FAM234A: variants seen among roughly 807,000 people sequenced by gnomAD.
The protein encoded by FAM234A is protein FAM234A.
In FAM234A, 42 loss-of-function variants were observed where a neutral mutation model predicts 49.1. The ratio of observed to expected loss-of-function variants is 0.86; its 90% confidence interval spans 0.67 to 1.11. The LOEUF (loss-of-function observed/expected upper bound fraction) is 1.11. FAM234A is among the 50% of genes least tolerant of loss of function. FAM234A has a pLI of 0.00. For synonymous variants in FAM234A, 369 were observed against 316.2 expected (o/e 1.17, Z -1.77); for missense variants, 815 against 745.2 (o/e 1.09, Z -1.09).
intron 1 of FAM234A, among the ~76,000 whole-genome samples, 178 bp from the exon 2 acceptor site, chr16:249,371 C>T (rs1238003306): frequency 6.6e-6 from 1 of 152,006 alleles, no homozygotes; most frequent in African/African-American, 2.4e-5. Context: ...TGGGACCCCA[C>T]ACCCAAAGTG....
Position 263,520 on chromosome 16 carries a change from G to T in FAM234A, c.1112+118G>T, listed in dbSNP as rs570354939. ...GTGGGGCCGGAGGCCGTGTGCTGCT[G>T]CCCGGGCTTCTTGCCTGTCTCTGGT... On this transcript the variant is annotated intron_variant, in intron 9 of 12. Coordinates refer to ENST00000399932, the MANE Select transcript of FAM234A (RefSeq NM_032039.4). The T allele has an allele frequency of 1.1e-4, 161 of 1,434,756 alleles. No homozygotes were observed. In the South Asian group the frequency reaches 1.9e-3, roughly 17 times the overall value. 88.9% of individuals were successfully genotyped at this position (1,434,756 alleles called of 1,614,324 possible).
At position 254,172 on chromosome 16, in the gene FAM234A, G is replaced by C. The variant is rs893304445; in HGVS notation, c.-33-209G>C. The C allele has an allele frequency of 7.5e-6, 4 of 534,946 alleles. No homozygotes were observed. The Admixed American group carries it at 1.0e-4, about 14-fold the overall frequency. 33.1% of individuals were successfully genotyped at this position (534,946 alleles called of 1,614,324 possible). On this transcript the variant is annotated intron_variant, in intron 2 of 12. Coordinates refer to ENST00000399932, the MANE Select transcript of FAM234A (RefSeq NM_032039.4). ...CCTGCTGGCTCTCCACAGCTAACTC[G>C]CCTTTCCACACTAATTAGAGACCTT... is the stretch of plus-strand genomic sequence containing the variant.
chr16:269,751 C>T (rs935273061), downstream of FAM234A: 11 of 588,126 alleles, frequency 1.9e-5, no homozygotes, highest in African/African-American at 1.5e-4. Context: ...CCAAGGCAGA[C>T]GCAGGGAGAC....
intron 3 of FAM234A, among the ~76,000 whole-genome samples, chr16:258,543 C>T (rs975978620): frequency 1.3e-5 from 2 of 152,188 alleles, no homozygotes; most frequent in African/African-American, 4.8e-5. Flanking sequence ...AAAAGTCTCC[C>T]ATGTCTACTT....
Position 265,188 on chromosome 16 carries a change from G to A in FAM234A, c.*166G>A, listed in dbSNP as rs1188744702. The A allele has an allele frequency of 7.0e-7, 1 of 1,419,934 alleles. No individual in the cohort carries two copies. Among genetic ancestry groups the A allele is most frequent in the South Asian group, 1.6e-5 (1 of 63,432 alleles). The allele number at this position is 1,419,934 out of a possible 1,614,324, so 88.0% of individuals were successfully genotyped here. The stretch of plus-strand genomic sequence containing the variant: ...ACCAGTCCTCCATGATCACACCCAG[G>A]GACCTGCATGGGTGAGGGGACACCC... On this transcript the variant is annotated 3_prime_UTR_variant, in exon 13 of 13. Coordinates refer to ENST00000399932, the MANE Select transcript of FAM234A (RefSeq NM_032039.4).
At chr16:257,643 C>T (rs553711294) in intron 3 of FAM234A, among the ~76,000 whole-genome samples, 74 of 151,612 alleles carry the variant, frequency 4.9e-4, no homozygotes, top group Non-Finnish European at 8.5e-4. Flanking sequence ...TTAGCTCTTA[C>T]GTTTAGGTCT....
intron 5 of FAM234A, 79 bp downstream of exon 5, chr16:260,239 G>A: frequency 7.5e-7 from 1 of 1,336,652 alleles, no homozygotes; most frequent in African/African-American, 1.4e-5. Context: ...ATGCCAGGAG[G>A]CCGCGACGAG....
intron 8 of FAM234A, 72 bp downstream of exon 8, chr16:262,625 C>G: frequency 6.8e-7 from 1 of 1,462,472 alleles, no homozygotes; most frequent in Non-Finnish European, 9.0e-7. Flanking sequence ...CCTCAGCGTT[C>G]GGACAATCTG....
In FAM234A at chr16:264,618, C is replaced by T. The variant is rs761394432; in HGVS notation, c.1349C>T (p.Thr450Ile). Residue 450 changes from threonine to isoleucine, a missense_variant, in exon 12 of 13, where the codon ACC (threonine) becomes ATC (isoleucine). By Grantham distance (89) the Thr-to-Ile change is moderately conservative. Transcript: ENST00000399932. ...HELGSTSETE[T>I]GEARHSLYMF... ...CATTGCTGGTTCTCGCTCCAGGAGA[C>T]CGGGGAGGCCCGGCACAGCCTGTAC... 3.7e-6 allele frequency: 6 copies of T among 1,608,144 alleles called. No individual in the cohort carries two copies.
At chr16:267,029 G>T (rs955871332), downstream of FAM234A, among the ~76,000 whole-genome samples, 1 of 152,132 alleles carries the variant, frequency 6.6e-6, no homozygotes, top group Non-Finnish European at 1.5e-5. Flanking sequence ...TGGGCCAAGG[G>T]GTGCCATTGC....
In FAM234A at chr16:254,732, G is replaced by T. The variant is rs1416882384; in HGVS notation, c.268+51G>T. 3 of 1,588,888 alleles carry T rather than the reference G, an allele frequency of 1.9e-6. No homozygotes were observed. In the Admixed American group the frequency reaches 5.2e-5, roughly 27 times the overall value. On this transcript the variant is annotated intron_variant, in intron 3 of 12. Transcript: ENST00000399932. ...GGGGTCCAAAGCAGCTCTTCCCAGG[G>T]GATGGGGCGGAGGGGGCAGAACTGT... is the stretch of plus-strand genomic sequence containing the variant.
intron 1 of FAM234A, among the ~76,000 whole-genome samples, chr16:235,725 ACT>A (rs1217756557): frequency 2.6e-5 from 4 of 151,812 alleles, no homozygotes; most frequent in Non-Finnish European, 4.4e-5. Flanking sequence ...CTCAACAAAT[ACT>A]CTCCGAGTGT....
intron 3 of FAM234A, among the ~76,000 whole-genome samples, chr16:255,567 C>T (rs962077618): frequency 6.6e-6 from 1 of 152,206 alleles, no homozygotes; most frequent in African/African-American, 2.4e-5. Flanking sequence ...GAGAGAGACC[C>T]TGTCTCAAAA....
intron 1 of FAM234A, among the ~76,000 whole-genome samples, chr16:238,049 C>T (rs1011199437): frequency 1.1e-4 from 17 of 150,236 alleles, no homozygotes; most frequent in African/African-American, 1.7e-4. Flanking sequence ...GATGGATTCT[C>T]GCTCTGTTGC....
At chr16:261,777 T>G (rs1478172237) in intron 6 of FAM234A, among the ~76,000 whole-genome samples, 2 of 152,168 alleles carry the variant, frequency 1.3e-5, no homozygotes, top group Non-Finnish European at 2.9e-5. Context: ...GGGGTGAAGC[T>G]CTGAGGGCTG....
chr16:244,751 C>T lies in FAM234A; in HGVS notation c.-139-4798C>T, dbSNP rs571147996. On this transcript the variant is annotated intron_variant, in intron 1 of 12. Coordinates refer to ENST00000399932, the MANE Select transcript of FAM234A (RefSeq NM_032039.4). ...TTGCCCAGGCTGGAGTGGAATGGCA[C>T]GATCTTGGCCACTGCACCCTCTGCC... 3.3e-4 allele frequency among the ~76,000 whole-genome samples: 47 copies of T among 143,134 alleles called. No homozygotes were observed. In the East Asian group the frequency reaches 4.4e-3, roughly 13 times the overall value. The allele number at this position is 143,134 out of a possible 152,430, so 93.9% of individuals were successfully genotyped here. A position where few individuals can be genotyped will look rare whatever the true frequency, so the allele number is the denominator to read the frequency against.
chr16:264,412 G>A (rs1371545294), intron 11 of FAM234A, among the ~76,000 whole-genome samples: 1 of 152,258 alleles, frequency 6.6e-6, no homozygotes, highest in African/African-American at 2.4e-5. Flanking sequence ...CCTGAAGGGA[G>A]TGGCTGCCGG....
At chr16:267,149 A>G (rs2051714622), downstream of FAM234A, among the ~76,000 whole-genome samples, 1 of 152,090 alleles carries the variant, frequency 6.6e-6, no homozygotes, top group South Asian at 2.1e-4. Flanking sequence ...GGGCCATGCC[A>G]TGCCATGCCC....
chr16:257,889 G>A (rs767981528), intron 3 of FAM234A, among the ~76,000 whole-genome samples: 4 of 151,592 alleles, frequency 2.6e-5, no homozygotes, highest in Admixed American at 6.6e-5. Context: ...ATCGAGTCTC[G>A]CTCTGTCGCC....
Sources: gnomAD v4.1 joint callset for allele counts (sites outside exome capture counted in the v4.1 genomes callset) on GRCh38, gnomAD v4.1.1 for gene constraint, MANE v1.5 for transcripts, NCBI Gene and HGNC (gene_info 2026-07-23, HGNC 2026-07-21) for gene names.